PCDH9: variants seen among roughly 807,000 people sequenced by gnomAD.
PCDH9 encodes protocadherin-9.
In PCDH9, 24 loss-of-function variants were observed where a neutral mutation model predicts 70.6. The observed-to-expected ratio is 0.34, with a 90% CI of 0.25 to 0.48. PCDH9 has a LOEUF of 0.48. PCDH9 is among the 20% of genes least tolerant of loss of function. The probability of loss-of-function intolerance (pLI) is 0.99; values close to 1 mark genes in which losing one functional copy is unlikely to be tolerated. For synonymous variants in PCDH9, 562 were observed against 558.5 expected, an observed-to-expected ratio of 1.01 and a Z score of -0.09; for missense variants, 1,281 against 1,503.6, an observed-to-expected ratio of 0.85 and a Z score of 2.45.
chr13:66,605,391 A>G (rs2077210911), intron 4 of PCDH9, among the ~76,000 whole-genome samples: 1 of 152,130 alleles, frequency 6.6e-6, no homozygotes, highest in Non-Finnish European at 1.5e-5. Context: ...TTCCTATAAT[A>G]TGTTACAGTT....
chr13:66,776,791 T>C (rs2079901769), intron 3 of PCDH9, among the ~76,000 whole-genome samples: 1 of 147,294 alleles, frequency 6.8e-6, no homozygotes, highest in Non-Finnish European at 1.5e-5. Flanking sequence ...TTAAAGTTCA[T>C]ATGGAACCAA....
At chr13:66,614,270 G>A (rs1254447594) in intron 4 of PCDH9, among the ~76,000 whole-genome samples, 7 of 152,228 alleles carry the variant, frequency 4.6e-5, no homozygotes, top group Admixed American at 4.6e-4. Flanking sequence ...GAAGGTTCAA[G>A]TAAGTGGTGG....
chr13:66,918,491 G>C (rs963194674), intron 2 of PCDH9, among the ~76,000 whole-genome samples: 13 of 150,916 alleles, frequency 8.6e-5, no homozygotes, highest in African/African-American at 3.2e-4. Context: ...GTTTTTGATG[G>C]TAAGAGCAAA....
intron 4 of PCDH9, among the ~76,000 whole-genome samples, chr13:66,399,181 C>T (rs1249011166): frequency 6.6e-6 from 1 of 152,152 alleles, no homozygotes; most frequent in African/African-American, 2.4e-5. Context: ...TCCTAGCACA[C>T]AGCTTGGCCC....
At chr13:67,112,154 T>G (rs927883093) in intron 2 of PCDH9, among the ~76,000 whole-genome samples, 3 of 152,206 alleles carry the variant, frequency 2.0e-5, no homozygotes, top group Admixed American at 6.5e-5. Context: ...TGCTCAATAC[T>G]CCTTACAATG....
chr13:66,411,890 G>C (rs900237124), intron 4 of PCDH9, among the ~76,000 whole-genome samples: 2 of 152,106 alleles, frequency 1.3e-5, no homozygotes. Context: ...TCACTAGAAT[G>C]GGGGGCTGCT....
chr13:67,120,386 C>G (rs1211330525), intron 2 of PCDH9, among the ~76,000 whole-genome samples: 1 of 152,006 alleles, frequency 6.6e-6, no homozygotes, highest in Non-Finnish European at 1.5e-5. Context: ...TGAATCTTCA[C>G]TAGTCCTCAT....
rs369394899 is a variant in PCDH9, at chr13:66,697,918, A to G, written c.3139-66507T>C. ...GAATGGTAAACAAAATGTTATATAT[A>G]CATAAAATGTAACATAATTCAGTCT... On this transcript the variant is annotated intron_variant, in intron 3 of 4. Coordinates refer to ENST00000377865, the MANE Select transcript of PCDH9 (RefSeq NM_203487.3). Among the ~76,000 whole-genome samples the G allele has an allele frequency of 9.8e-4, 149 of 152,388 alleles. 6 individuals are homozygous for G. In the South Asian group the frequency reaches 0.03, roughly 31 times the overall value.
chr13:67,059,148 A>C (rs1182878315), intron 2 of PCDH9, among the ~76,000 whole-genome samples: 2 of 151,820 alleles, frequency 1.3e-5, no homozygotes, highest in African/African-American at 4.8e-5. Flanking sequence ...TAAAACAGCA[A>C]GCACATTTGC....
At chr13:66,910,840 T>C (rs2082451414) in intron 2 of PCDH9, among the ~76,000 whole-genome samples, 1 of 152,182 alleles carries the variant, frequency 6.6e-6, no homozygotes, top group Admixed American at 6.5e-5. Flanking sequence ...GCCATAAATA[T>C]CTTGGTTACT....
chr13:66,886,792 G>GT (rs574951637), intron 3 of PCDH9, among the ~76,000 whole-genome samples: 5 of 152,162 alleles, frequency 3.3e-5, no homozygotes, highest in African/African-American at 1.2e-4. Flanking sequence ...AAAGAAAGAT[G>GT]TTTTTCAAAA....
intron 3 of PCDH9, among the ~76,000 whole-genome samples, chr13:66,846,703 G>C (rs1353886536): frequency 6.6e-6 from 1 of 151,946 alleles, no homozygotes; most frequent in Non-Finnish European, 1.5e-5. Flanking sequence ...ATCCATCTCT[G>C]AAAAACATAT....
chr13:67,202,436 A>G (rs532051616), intron 2 of PCDH9: 57 of 152,220 alleles, frequency 3.7e-4, no homozygotes, highest in Middle Eastern at 3.4e-3. Flanking sequence ...GAATATTACC[A>G]CATCTAAGAG....
rs190277799 is a variant in PCDH9, at chr13:66,549,318, G to A, written c.3340+81892C>T. 7.3e-4 allele frequency among the ~76,000 whole-genome samples: 111 copies of A among 152,136 alleles called. No homozygotes were observed. The East Asian group carries it at 0.016, about 23-fold the overall frequency. On this transcript the variant is annotated intron_variant, in intron 4 of 4. Transcript: ENST00000377865. ...AAGGATTAGTACTTTGCATCAAATA[G>A]CTTGCTTTATGATGGTAGAATTGCT...
intron 4 of PCDH9, among the ~76,000 whole-genome samples, chr13:66,613,722 T>C (rs1242961025): frequency 6.6e-6 from 1 of 152,134 alleles, no homozygotes; most frequent in African/African-American, 2.4e-5. Context: ...TTCTTCTGCC[T>C]GTCTGTGTGT....
intron 4 of PCDH9, among the ~76,000 whole-genome samples, chr13:66,502,836 T>G (rs1445959844): frequency 6.6e-6 from 1 of 152,170 alleles, no homozygotes; most frequent in African/African-American, 2.4e-5. Flanking sequence ...CATTTTAATT[T>G]TGTTCTTATG....
intron 3 of PCDH9, among the ~76,000 whole-genome samples, chr13:66,700,757 G>A (rs9529120): frequency 0.2 from 30,243 of 151,168 alleles, 3,267 homozygotes; most frequent in Middle Eastern, 0.31. Flanking sequence ...CAACGAAGAC[G>A]TTTTCTTATA....
chr13:67,171,766 A>G (rs966254022), intron 2 of PCDH9, among the ~76,000 whole-genome samples: 2 of 152,146 alleles, frequency 1.3e-5, no homozygotes, highest in African/African-American at 4.8e-5. Context: ...TTCCTCTCCT[A>G]TAAAGTAGTG....
At chr13:66,562,048 C>A (rs1430058474) in intron 4 of PCDH9, among the ~76,000 whole-genome samples, 1 of 152,014 alleles carries the variant, frequency 6.6e-6, no homozygotes, top group Non-Finnish European at 1.5e-5. Flanking sequence ...CTGAACACAT[C>A]CAAACATCAG....
Sources: gnomAD v4.1 joint callset for allele counts (sites outside exome capture counted in the v4.1 genomes callset) on GRCh38, gnomAD v4.1.1 for gene constraint, MANE v1.5 for transcripts, NCBI Gene and HGNC (gene_info 2026-07-23, HGNC 2026-07-21) for gene names.